SDK1: variants seen among roughly 807,000 people sequenced by gnomAD.
The protein encoded by SDK1 is sidekick cell adhesion molecule 1.
Under a neutral mutation model 245.5 loss-of-function variants are expected in SDK1, and 157 were observed. The observed-to-expected ratio is 0.64, with a 90% CI of 0.56 to 0.73. SDK1 has a LOEUF of 0.73. SDK1 is among the 30% of genes least tolerant of loss of function. The probability of loss-of-function intolerance (pLI) is 0.00; values close to 1 mark genes in which losing one functional copy is unlikely to be tolerated. For missense variants in SDK1, 3,583 were observed against 3,002.3 expected, an observed-to-expected ratio of 1.19 and a Z score of -4.52; for synonymous variants, 1,647 against 1,278.5, an observed-to-expected ratio of 1.29 and a Z score of -6.15.
At chr7:4,217,659 G>A (rs1584470424) in intron 38 of SDK1, among the ~76,000 whole-genome samples, 1 of 151,750 alleles carries the variant, frequency 6.6e-6, no homozygotes, top group East Asian at 1.9e-4. Flanking sequence ...GGCCACTTGA[G>A]CACTCAGCCA....
intron 1 of SDK1, among the ~76,000 whole-genome samples, chr7:3,484,785 C>T (rs562482284): frequency 3.3e-5 from 5 of 152,284 alleles, no homozygotes; most frequent in South Asian, 4.2e-4. Flanking sequence ...GCCTGACTTT[C>T]GCTTAATGTC....
At position 4,065,115 on chromosome 7, in the gene SDK1, A is replaced by C. The variant is rs148989271; in HGVS notation, c.2912-2723A>C. Among the ~76,000 whole-genome samples the C allele has an allele frequency of 7.3e-3, 1,119 of 152,324 alleles. 16 individuals carry two copies. The highest frequency in any genetic ancestry group is 0.025 in the African/African-American group (1,056 of 41,558). The stretch of plus-strand genomic sequence containing the variant: ...ATACTCCAGGCCATAGGCACTCTGA[A>C]CACCCTAACTTGGCCGTTACACAGT... On this transcript the variant is annotated intron_variant, in intron 19 of 44. Coordinates refer to ENST00000404826, the MANE Select transcript of SDK1 (RefSeq NM_152744.4).
At chr7:3,957,615 G>C (rs1282309668) in intron 7 of SDK1, among the ~76,000 whole-genome samples, 3 of 152,140 alleles carry the variant, frequency 2.0e-5, no homozygotes, top group Non-Finnish European at 4.4e-5. Context: ...TAGCTTCCCT[G>C]ATGAATACAG....
chr7:3,730,792 G>A (rs1583351067), intron 4 of SDK1, among the ~76,000 whole-genome samples: 1 of 152,130 alleles, frequency 6.6e-6, no homozygotes, highest in East Asian at 1.9e-4. Context: ...TGGCATGGAG[G>A]GAGAGGACAT....
Position 4,232,411 on chromosome 7 carries a change from CTTT to C in SDK1, c.5828-830_5828-828del, listed in dbSNP as rs71032930. Among the ~76,000 whole-genome samples, 441 of 98,792 alleles carry C rather than the reference CTTT, an allele frequency of 4.5e-3. 4 individuals carry two copies. The highest frequency in any genetic ancestry group is 0.011 in the African/African-American group (284 of 26,020). 64.8% of individuals were successfully genotyped at this position (98,792 alleles called of 152,430 possible). A position where few individuals can be genotyped will look rare whatever the true frequency, so the allele number is the denominator to read the frequency against. ...TTTTTTCTTTTCTTTTCTTTTCTTTCTTTTTTTTTTTTTTTTGTTATAATGTGA... is the reference window on the plus strand; with the variant it reads ...TTTTTTCTTTTCTTTTCTTTTCTTTCTTTTTTTTTTTTTGTTATAATGTGA... On this transcript the variant is annotated intron_variant, in intron 40 of 44. Transcript: ENST00000404826.
intron 4 of SDK1, among the ~76,000 whole-genome samples, chr7:3,655,926 T>C (rs1028950606): frequency 5.3e-5 from 8 of 152,146 alleles, no homozygotes; most frequent in Middle Eastern, 3.2e-3. Flanking sequence ...ACCTCACCAG[T>C]GTCTGGGAAA....
intron 28 of SDK1, among the ~76,000 whole-genome samples, chr7:4,137,859 C>T (rs1052936582): frequency 6.6e-6 from 1 of 152,206 alleles, no homozygotes; most frequent in African/African-American, 2.4e-5. Context: ...TATCTCTGAA[C>T]ACCATCTATC....
At chr7:3,877,560 T>C (rs769655509) in intron 5 of SDK1, among the ~76,000 whole-genome samples, 5 of 152,328 alleles carry the variant, frequency 3.3e-5, no homozygotes, top group Non-Finnish European at 7.3e-5. Context: ...GAAAAATCTT[T>C]AGATGGTTTA....
chr7:3,856,326 G>T (rs1363662925), intron 5 of SDK1, among the ~76,000 whole-genome samples: 1 of 151,264 alleles, frequency 6.6e-6, no homozygotes, highest in East Asian at 1.9e-4. Flanking sequence ...TGAAAAGAGG[G>T]TTTAAAAAAT....
chr7:3,744,410 C>G (rs1779559242), intron 4 of SDK1, among the ~76,000 whole-genome samples: 1 of 151,946 alleles, frequency 6.6e-6, no homozygotes, highest in African/African-American at 2.4e-5. Flanking sequence ...CTTCATCTGC[C>G]AAACATATAC....
intron 8 of SDK1, among the ~76,000 whole-genome samples, chr7:3,962,332 C>T (rs565989584): frequency 6.6e-6 from 1 of 152,332 alleles, no homozygotes; most frequent in South Asian, 2.1e-4. Context: ...GAGAGGGCTT[C>T]ATCTCCATCT....
At chr7:3,526,766 G>C (rs1562540499) in intron 1 of SDK1, among the ~76,000 whole-genome samples, 1 of 152,094 alleles carries the variant, frequency 6.6e-6, no homozygotes, top group Non-Finnish European at 1.5e-5. Flanking sequence ...AAGAGCCATG[G>C]ATGGTCTTTT....
rs753552974 is a variant in SDK1, at chr7:4,080,429, G to A, written c.3324+845G>A. On this transcript the variant is annotated intron_variant, in intron 22 of 44. Transcript: ENST00000404826. ...TGAGGAGTAGTAAAGTTTCAAAATA[G>A]TTATTATCTGTAGTAAAATCCTTGT... Among the ~76,000 whole-genome samples the A allele has an allele frequency of 2.4e-4, 37 of 152,258 alleles. 1 individual carries two copies. The highest frequency in any genetic ancestry group is 3.4e-3 in the Middle Eastern group (1 of 294).
At chr7:3,488,781 C>T (rs955319836) in intron 1 of SDK1, among the ~76,000 whole-genome samples, 9 of 152,176 alleles carry the variant, frequency 5.9e-5, no homozygotes, top group African/African-American at 4.8e-5. Context: ...TTCTTCCCTA[C>T]TCAATCTGAC....
chr7:3,809,352 C>G (rs1051711407), intron 4 of SDK1, among the ~76,000 whole-genome samples: 1 of 152,066 alleles, frequency 6.6e-6, no homozygotes, highest in Non-Finnish European at 1.5e-5. Flanking sequence ...CCCACCAGGC[C>G]CCACCTCCCA....
chr7:4,264,503 CCG>C (rs1788316527), intron 44 of SDK1, among the ~76,000 whole-genome samples: 1 of 127,464 alleles, frequency 7.8e-6, no homozygotes, highest in African/African-American at 2.9e-5. Flanking sequence ...GTGAGGGAGG[CCG>C]CGTGGACCTC....
intron 5 of SDK1, among the ~76,000 whole-genome samples, chr7:3,864,615 C>G (rs1015857754): frequency 1.3e-5 from 2 of 152,106 alleles, no homozygotes; most frequent in Non-Finnish European, 2.9e-5. Context: ...GCCCCAAGGA[C>G]GTGAGGGGCA....
At chr7:4,037,773 C>T (rs1292587526) in intron 17 of SDK1, among the ~76,000 whole-genome samples, 1 of 152,158 alleles carries the variant, frequency 6.6e-6, no homozygotes, top group Non-Finnish European at 1.5e-5. Flanking sequence ...GCTTTATAGG[C>T]CATCTTTTAC....
At chr7:3,702,856 C>G (rs1209094638) in intron 4 of SDK1, among the ~76,000 whole-genome samples, 1 of 152,102 alleles carries the variant, frequency 6.6e-6, no homozygotes, top group African/African-American at 2.4e-5. Context: ...AAAAGACATT[C>G]AGTGGAAATG....
Sources: gnomAD v4.1 joint callset for allele counts (sites outside exome capture counted in the v4.1 genomes callset) on GRCh38, gnomAD v4.1.1 for gene constraint, MANE v1.5 for transcripts, NCBI Gene and HGNC (gene_info 2026-07-23, HGNC 2026-07-21) for gene names.